The following RUNX2 variants were observed in gnomAD, a reference collection of about 807,000 sequenced individuals.
RUNX2 encodes RUNX family transcription factor 2.
In RUNX2, 10 loss-of-function variants were observed where a neutral mutation model predicts 51.7. That is an observed-to-expected ratio of 0.19 (90% CI 0.12 to 0.33). The LOEUF (loss-of-function observed/expected upper bound fraction) is 0.33, where lower values mean the gene tolerates loss of function less well. RUNX2 is among the 10% of genes least tolerant of loss of function. The pLI, the probability that RUNX2 is intolerant of heterozygous loss-of-function variation, is 1.00. For synonymous variants in RUNX2, 276 were observed against 273.6 expected, an observed-to-expected ratio of 1.01 and a Z score of -0.09; for missense variants, 562 against 691.3, an observed-to-expected ratio of 0.81 and a Z score of 2.10.
At chr6:45,348,102 G>T in intron 2 of RUNX2, among the ~76,000 whole-genome samples, 1 of 151,906 alleles carries the variant, frequency 6.6e-6, no homozygotes, top group Non-Finnish European at 1.5e-5. Context: ...TAGTTTTTAC[G>T]TTAAAAGCAG....
intron 7 of RUNX2, 74 bp from the exon 8 acceptor site, chr6:45,545,140 CCTT>C (rs1802358364): frequency 8.1e-7 from 1 of 1,233,210 alleles, no homozygotes; most frequent in Non-Finnish European, 1.2e-6. Context: ...TGTTGCTTCT[CCTT>C]CTCTCTTGGA....
chr6:45,398,804 T>C lies in RUNX2; in HGVS notation c.59-23789T>C, dbSNP rs72862934. 6.3e-3 allele frequency among the ~76,000 whole-genome samples: 960 copies of C among 152,352 alleles called. 3 individuals are homozygous for C. The highest frequency in any genetic ancestry group is 0.012 in the South Asian group (57 of 4,830). On this transcript the variant is annotated intron_variant, in intron 2 of 8. Coordinates refer to ENST00000647337, the MANE Select transcript of RUNX2 (RefSeq NM_001024630.4). Reference sequence around the variant, plus strand: ...GTGCTCTAATACAACTCATCTCTAATTATCACAACAATCTAAGAAAGTAGG... The same window carrying C: ...GTGCTCTAATACAACTCATCTCTAACTATCACAACAATCTAAGAAAGTAGG...
rs150937991 is a variant in RUNX2, at chr6:45,346,684, C to A, written c.58+17900C>A. ...CTGGGTTCAAGCAATTCTCTTGCCT[C>A]TGCCTGACTAGCTGGGATTACAGGT... On this transcript the variant is annotated intron_variant, in intron 2 of 8. Transcript: ENST00000647337. Among the ~76,000 whole-genome samples, 488 of 151,696 alleles carry A rather than the reference C, an allele frequency of 3.2e-3. 1 individual carries two copies. The highest frequency in any genetic ancestry group is 5.2e-3 in the Non-Finnish European group (356 of 67,944).
At chr6:45,351,301 A>G (rs1272442398) in intron 2 of RUNX2, among the ~76,000 whole-genome samples, 1 of 152,070 alleles carries the variant, frequency 6.6e-6, no homozygotes, top group Non-Finnish European at 1.5e-5. Context: ...ATACTAACCC[A>G]TCAAGATCAC....
chr6:45,519,073 A>G (rs1211359886), intron 7 of RUNX2, among the ~76,000 whole-genome samples: 2 of 152,208 alleles, frequency 1.3e-5, no homozygotes, highest in Non-Finnish European at 2.9e-5. Flanking sequence ...TGCAAGGAGT[A>G]AGGTGCTATC....
chr6:45,449,326 C>G (rs1043687147), intron 5 of RUNX2, among the ~76,000 whole-genome samples: 4 of 152,182 alleles, frequency 2.6e-5, no homozygotes, highest in Admixed American at 1.3e-4. Flanking sequence ...AGCTTAAATA[C>G]CAATTAGTAA....
At chr6:45,330,021 G>A (rs1009575285) in intron 2 of RUNX2, among the ~76,000 whole-genome samples, 5 of 151,714 alleles carry the variant, frequency 3.3e-5, no homozygotes, top group African/African-American at 9.7e-5. Flanking sequence ...TACTACTAGA[G>A]GATCAGTCTC....
Position 45,550,006 on chromosome 6 carries a change from T to C in RUNX2, c.*2701T>C, listed in dbSNP as rs1223670314. 8 of 151,746 alleles carry C rather than the reference T, an allele frequency of 5.3e-5. No homozygotes were observed. The East Asian group carries it at 5.8e-4, about 11-fold the overall frequency. The allele number at this position is 151,746 out of a possible 1,614,324, so 9.4% of individuals were successfully genotyped here. A position where few individuals can be genotyped will look rare whatever the true frequency, so the allele number is the denominator to read the frequency against. ...AAATTTTGTTTTTCTTTCTTTCTTT[T>C]TTTTTTTTTTTCACTGAACCCTTAA... On this transcript the variant is annotated 3_prime_UTR_variant, in exon 9 of 9. Transcript: ENST00000647337.
rs1203966568 is a variant in RUNX2, at chr6:45,492,082, C to G, written c.827C>G (p.Pro276Arg). The change falls in exon 6 of 9, where the codon CCT becomes CGT. Residue 276 changes from proline (P) to arginine (R), a missense_variant. Physicochemically the swap from Pro to Arg is moderately radical, Grantham distance 103. This residue lies in a region of RUNX2 where 304 missense variants were observed against 353.2 expected (regional missense o/e 0.86). Coordinates refer to ENST00000647337, the MANE Select transcript of RUNX2 (RefSeq NM_001024630.4). ...CCCTCCCTGAACTCTGCACCAAGTC[C>G]TTTTAATCCACAAGGACAGAGTCAG... Reference protein sequence around the residue: ...PRPSLNSAPSPFNPQGQSQIT... With the variant: ...PRPSLNSAPSRFNPQGQSQIT... 1.1e-5 allele frequency: 18 copies of G among 1,613,658 alleles called. No individual in the cohort carries two copies. Among genetic ancestry groups the G allele is most frequent in the Non-Finnish European group, 1.4e-5 (16 of 1,179,864 alleles).
intron 2 of RUNX2, among the ~76,000 whole-genome samples, chr6:45,333,193 T>A (rs1037194563): frequency 1.3e-5 from 2 of 151,680 alleles, no homozygotes; most frequent in African/African-American, 4.8e-5. Context: ...TCAAAAAGAT[T>A]ATGAAATTCA....
At chr6:45,346,678 T>C (rs1268145705) in intron 2 of RUNX2, among the ~76,000 whole-genome samples, 3 of 151,818 alleles carry the variant, frequency 2.0e-5, no homozygotes, top group Non-Finnish European at 4.4e-5. Flanking sequence ...AGCAATTCTC[T>C]TGCCTCTGCC....
rs1309019840 is a variant in RUNX2 at position 45,328,480 on chromosome 6, A to C, written c.-67+20A>C. ...GAGTCAGTGAGTGCTCTCTAACCACAGTCTATGCAGTAATAGTAGGTCCTT... is the reference window on the plus strand; with the variant it reads ...GAGTCAGTGAGTGCTCTCTAACCACCGTCTATGCAGTAATAGTAGGTCCTT... On this transcript the variant is annotated intron_variant, in intron 1 of 8. Transcript: ENST00000647337. The C allele has an allele frequency of 1.3e-6, 2 of 1,496,466 alleles. No individual in the cohort carries two copies. The highest frequency in any genetic ancestry group is 1.8e-6 in the Non-Finnish European group (2 of 1,106,124). The allele number at this position is 1,496,466 out of a possible 1,614,324, so 92.7% of individuals were successfully genotyped here. A position where few individuals can be genotyped will look rare whatever the true frequency, so the allele number is the denominator to read the frequency against.
chr6:45,359,753 A>T (rs1044372435), intron 2 of RUNX2, among the ~76,000 whole-genome samples: 2 of 152,234 alleles, frequency 1.3e-5, no homozygotes, highest in Non-Finnish European at 2.9e-5. Flanking sequence ...TGATAATATA[A>T]AAATGACAGG....
chr6:45,476,260 C>G (rs1430981349), intron 5 of RUNX2, among the ~76,000 whole-genome samples: 1 of 152,154 alleles, frequency 6.6e-6, no homozygotes, highest in Admixed American at 6.5e-5. Flanking sequence ...TTCCATATTT[C>G]TCCTAAGCTT....
chr6:45,504,871 A>G (rs1319822151), intron 6 of RUNX2, among the ~76,000 whole-genome samples: 1 of 152,152 alleles, frequency 6.6e-6, no homozygotes, highest in Non-Finnish European at 1.5e-5. Context: ...ACACAGCCTG[A>G]TTTGAGTACT....
At chr6:45,543,842 T>TG (rs1802307332) in intron 7 of RUNX2, among the ~76,000 whole-genome samples, 1 of 151,936 alleles carries the variant, frequency 6.6e-6, no homozygotes, top group Non-Finnish European at 1.5e-5. Flanking sequence ...AAGGATATTA[T>TG]TTGCTTCTGT....
At chr6:45,496,097 CA>C (rs958398745) in intron 6 of RUNX2, among the ~76,000 whole-genome samples, 2 of 152,082 alleles carry the variant, frequency 1.3e-5, no homozygotes, top group Non-Finnish European at 2.9e-5. Flanking sequence ...TAGTCTGTCA[CA>C]AATGTTCACT....
intron 6 of RUNX2, among the ~76,000 whole-genome samples, chr6:45,507,850 A>G (rs1432268402): frequency 6.6e-6 from 1 of 152,250 alleles, no homozygotes; most frequent in East Asian, 1.9e-4. Context: ...CTAGAAACAA[A>G]TATAAAATGA....
intron 6 of RUNX2, among the ~76,000 whole-genome samples, chr6:45,500,320 A>G (rs1286230669): frequency 1.3e-5 from 2 of 152,226 alleles, no homozygotes; most frequent in Non-Finnish European, 2.9e-5. Flanking sequence ...AATGTATGCG[A>G]AAGTATTCCA....
Sources: allele counts gnomAD v4.1 joint callset (sites outside exome capture counted in the v4.1 genomes callset), GRCh38; gene constraint gnomAD v4.1.1; regional missense constraint gnomAD v4.1.1; transcripts MANE v1.5; gene names NCBI Gene and HGNC (gene_info 2026-07-23, HGNC 2026-07-21).